Variants in TESK2 observed in about 807,000 individuals in gnomAD.
TESK2 encodes the protein testis associated actin remodelling kinase 2.
TESK2 carries 39 observed loss-of-function variants against 57.1 expected under a neutral mutation model. The ratio of observed to expected loss-of-function variants is 0.68; its 90% CI spans 0.53 to 0.89. The LOEUF is 0.89. TESK2 is among the 40% of genes least tolerant of loss of function. TESK2 has a pLI of 0.00. For missense variants in TESK2, 646 were observed against 732.1 expected (o/e 0.88, Z 1.36); for synonymous variants, 249 against 267.9 (o/e 0.93, Z 0.69).
At chr1:45,478,855 C>G (rs1448190903) in intron 1 of TESK2, among the ~76,000 whole-genome samples, 1 of 152,018 alleles carries the variant, frequency 6.6e-6, no homozygotes, top group Admixed American at 6.6e-5. Context: ...TCCTGAGTAG[C>G]TAGGATTACA....
At chr1:45,442,931 A>T (rs1651500239) in intron 2 of TESK2, among the ~76,000 whole-genome samples, 1 of 152,184 alleles carries the variant, frequency 6.6e-6, no homozygotes, top group Non-Finnish European at 1.5e-5. Context: ...GACTACAGGC[A>T]TGTGCCATCG....
At chr1:45,346,826 C>G (rs745324818) in intron 8 of TESK2, 47 bp from the exon 9 acceptor site, 2 of 1,579,928 alleles carry the variant, frequency 1.3e-6, no homozygotes, top group Non-Finnish European at 1.7e-6. Flanking sequence ...ATTAATCCCC[C>G]CACCCATCCT....
chr1:45,452,032 C>CAAAAAAAAAGAAAAAAAAAAAAAA (rs1651891729), intron 2 of TESK2, among the ~76,000 whole-genome samples: 1 of 103,872 alleles, frequency 9.6e-6, no homozygotes, highest in African/African-American at 4.2e-5. Flanking sequence ...GACTCCGTCT[C>CAAAAAAAAAGAAAAAAAAAAAAAA]AAAAAAAAAA....
At position 45,345,424 on chromosome 1, in the gene TESK2, G is replaced by C. The variant is rs201715014; in HGVS notation, c.1132C>G (p.Arg378Gly). 1.1e-5 allele frequency: 18 copies of C among 1,614,038 alleles called. No homozygotes were observed. Among genetic ancestry groups the C allele is most frequent in the African/African-American group, 5.3e-5 (4 of 74,908 alleles). ...QSDIFSRKPPRTVSVLDPYYR... is the reference protein window; with the variant it reads ...QSDIFSRKPPGTVSVLDPYYR... ...TATGGGTCCAAGACACTCACTGTAC[G>C]TGGGGGCTTACGGGAAAAGATATCT... The change falls in exon 11 of 11, where the codon CGT becomes GGT. Residue 378 changes from arginine to glycine, a missense_variant. Transcript: ENST00000372086.
chr1:45,384,423 C>G (rs961927248), intron 4 of TESK2, among the ~76,000 whole-genome samples: 1 of 145,824 alleles, frequency 6.9e-6, no homozygotes, highest in Non-Finnish European at 1.5e-5. Context: ...ATCTATCTAT[C>G]TATCTATGTA....
intron 1 of TESK2, among the ~76,000 whole-genome samples, chr1:45,489,025 G>A (rs2149310905): frequency 6.6e-6 from 1 of 152,062 alleles, no homozygotes; most frequent in South Asian, 2.1e-4. Context: ...TTATCTGGGT[G>A]TGGTGGCTCC....
At chr1:45,452,190 G>A (rs1189107898) in intron 2 of TESK2, among the ~76,000 whole-genome samples, 1 of 151,942 alleles carries the variant, frequency 6.6e-6, no homozygotes, top group Non-Finnish European at 1.5e-5. Context: ...AAATTCTTCA[G>A]TTACTTCCCA....
chr1:45,401,471 T>C (rs897879049), intron 3 of TESK2, among the ~76,000 whole-genome samples: 1 of 152,114 alleles, frequency 6.6e-6, no homozygotes, highest in African/African-American at 2.4e-5. Context: ...CTACTGTTCA[T>C]GGACCTCCTG....
chr1:45,481,401 A>C (rs1285186860), intron 1 of TESK2, among the ~76,000 whole-genome samples: 1 of 152,124 alleles, frequency 6.6e-6, no homozygotes, highest in East Asian at 1.9e-4. Flanking sequence ...TGGGAAGTGC[A>C]GAACAGTGGG....
chr1:45,348,767 C>T (rs11808866), intron 5 of TESK2, among the ~76,000 whole-genome samples: 52 of 152,290 alleles, frequency 3.4e-4, no homozygotes, highest in African/African-American at 1.1e-3. Flanking sequence ...TTCTCCCTCT[C>T]ATCTCAACTC....
At chr1:45,356,206 T>TAA (rs59524174) in intron 4 of TESK2, among the ~76,000 whole-genome samples, 14 of 144,284 alleles carry the variant, frequency 9.7e-5, no homozygotes, top group African/African-American at 3.0e-4. Context: ...ATGGCAGAAT[T>TAA]AAAAAAAAAA....
chr1:45,399,140 ATTTTTTT>A (rs753087306), intron 3 of TESK2, among the ~76,000 whole-genome samples: 10 of 99,720 alleles, frequency 1.0e-4, no homozygotes, highest in African/African-American at 1.4e-4. Flanking sequence ...AAAAGTTGAA[ATTTTTTT>A]TTTTTTTTTT....
intron 1 of TESK2, among the ~76,000 whole-genome samples, chr1:45,463,825 G>A (rs1243579369): frequency 1.3e-5 from 2 of 152,090 alleles, no homozygotes; most frequent in African/African-American, 4.8e-5. Context: ...CTAGGCTCAA[G>A]CGATCCACCC....
intron 3 of TESK2, among the ~76,000 whole-genome samples, chr1:45,409,228 G>T (rs1368911031): frequency 1.3e-5 from 2 of 152,182 alleles, no homozygotes; most frequent in Non-Finnish European, 2.9e-5. Context: ...CTTTTCAGAA[G>T]TAATGAGAAC....
chr1:45,447,192 A>C (rs980177459), intron 2 of TESK2, among the ~76,000 whole-genome samples: 2 of 152,242 alleles, frequency 1.3e-5, no homozygotes, highest in African/African-American at 4.8e-5. Flanking sequence ...ACTCCAGACT[A>C]GGTGACTGAG....
intron 1 of TESK2, among the ~76,000 whole-genome samples, chr1:45,474,198 G>C (rs1474265507): frequency 6.6e-6 from 1 of 152,046 alleles, no homozygotes; most frequent in Non-Finnish European, 1.5e-5. Context: ...TTAGCCAGGT[G>C]TGGTGGTGCA....
intron 3 of TESK2, chr1:45,399,001 A>AAAAAAAC (rs1553149530): frequency 4.6e-6 from 2 of 435,332 alleles, no homozygotes; most frequent in Non-Finnish European, 4.5e-6. Context: ...AAAAAAAAAA[A>AAAAAAAC]AAAAAACAAG....
intron 2 of TESK2, among the ~76,000 whole-genome samples, chr1:45,425,994 A>G (rs555945963): frequency 2.6e-5 from 4 of 151,916 alleles, no homozygotes; most frequent in Admixed American, 1.3e-4. Flanking sequence ...AAAAAAAAAA[A>G]TACAAAAACT....
chr1:45,353,394 G>C (rs1301889507), intron 5 of TESK2, among the ~76,000 whole-genome samples: 1 of 152,156 alleles, frequency 6.6e-6, no homozygotes, highest in Non-Finnish European at 1.5e-5. Flanking sequence ...GCTCCTTCAG[G>C]AACAGTGCAG....
Sources: allele counts gnomAD v4.1 joint callset (sites outside exome capture counted in the v4.1 genomes callset), GRCh38; gene constraint gnomAD v4.1.1; transcripts MANE v1.5; gene names NCBI Gene and HGNC (gene_info 2026-07-23, HGNC 2026-07-21).